The following NCKAP5L variants were observed in gnomAD, a reference collection of about 807,000 sequenced individuals.
The protein encoded by NCKAP5L is NCK associated protein 5 like, also known as nck-associated protein 5-like.
NCKAP5L carries 54 observed loss-of-function variants against 103.2 expected under a neutral mutation model. The observed-to-expected ratio is 0.52, with a 90% CI of 0.42 to 0.66. NCKAP5L has a LOEUF of 0.66. NCKAP5L is among the 30% of genes least tolerant of loss of function. NCKAP5L has a pLI of 0.00. For synonymous variants in NCKAP5L, 762 were observed against 748.6 expected (o/e 1.02, Z -0.29); for missense variants, 1,733 against 1,750.6 (o/e 0.99, Z 0.18).
At chr12:49,821,848 CCTGGCATCTGAATGAAGTTTGGTATA>C (rs966483130) in intron 1 of NCKAP5L, among the ~76,000 whole-genome samples, 5 of 152,206 alleles carry the variant, frequency 3.3e-5, no homozygotes, top group African/African-American at 1.2e-4. Flanking sequence ...TGACCTGAAT[CCTGGCATCTGAATGAAGTTTGGTATA>C]CAAAGGTGAA....
At chr12:49,820,297 A>G (rs1946346486) in intron 1 of NCKAP5L, among the ~76,000 whole-genome samples, 2 of 148,770 alleles carry the variant, frequency 1.3e-5, no homozygotes, top group South Asian at 2.1e-4. Context: ...CCATCCCCCA[A>G]ACTTTATCTC....
At chr12:49,801,391 G>A (rs757686257) in intron 6 of NCKAP5L, among the ~76,000 whole-genome samples, 2 of 152,096 alleles carry the variant, frequency 1.3e-5, no homozygotes, top group Non-Finnish European at 2.9e-5. Context: ...CTTCTCCTGG[G>A]GAAGGGAGGT....
intron 1 of NCKAP5L, among the ~76,000 whole-genome samples, chr12:49,827,963 G>A (rs1293162610): frequency 6.6e-6 from 1 of 152,226 alleles, no homozygotes; most frequent in East Asian, 1.9e-4. Flanking sequence ...TGGGTGGGGT[G>A]AGCAGCTGGG....
Position 49,814,156 on chromosome 12 carries a change from ATATT to A in NCKAP5L, c.-98-8119_-98-8116del, listed in dbSNP as rs1408203966. Among the ~76,000 whole-genome samples the A allele has an allele frequency of 7.9e-4, 72 of 91,016 alleles. 1 individual carries two copies. The highest frequency in any genetic ancestry group is 6.1e-3 in the Admixed American group (53 of 8,720). The allele number at this position is 91,016 out of a possible 152,430, so 59.7% of individuals were successfully genotyped here. A position where few individuals can be genotyped will look rare whatever the true frequency, so the allele number is the denominator to read the frequency against. On this transcript the variant is annotated intron_variant, in intron 1 of 12. Coordinates refer to ENST00000335999, the MANE Select transcript of NCKAP5L (RefSeq NM_001037806.4). ...ATTCTAGATACAAGTCCTTTATTTT[ATATT>A]TATATATATATATATATATATGATT...
In NCKAP5L at chr12:49,801,788, C is replaced by T. The variant is rs532482695; in HGVS notation, c.351+60G>A. 3.3e-5 allele frequency: 53 copies of T among 1,598,698 alleles called. No individual in the cohort carries two copies. In the African/African-American group the frequency reaches 5.9e-4, roughly 18 times the overall value. On this transcript the variant is annotated intron_variant, in intron 6 of 12. Transcript: ENST00000335999. ...GCACGTGAGAAGACAGTGATGGGGC[C>T]GATGGAGCCGAGGAGGCAGGAGGCA...
At position 49,795,605 on chromosome 12, in the gene NCKAP5L, T is replaced by C. The variant is rs759658078; in HGVS notation, c.2255A>G (p.Tyr752Cys). ...GLMGDPGARV[Y>C]SSHSMGARVD... ...CCGGGCCCCCATGGAGTGAGAGGAG[T>C]AGACTCGGGCCCCGGGATCCCCCAT... Residue 752 changes from tyrosine to cysteine, a missense_variant, in exon 8 of 13, where the codon TAC becomes TGC. Coordinates refer to ENST00000335999, the MANE Select transcript of NCKAP5L (RefSeq NM_001037806.4). 4 of 1,590,176 alleles carry C rather than the reference T, an allele frequency of 2.5e-6. No homozygotes were observed. The highest frequency in any genetic ancestry group is 3.5e-5 in the Admixed American group (2 of 57,098).
At chr12:49,802,928 G>T in intron 5 of NCKAP5L, 30 bp downstream of exon 5, 1 of 1,607,550 alleles carries the variant, frequency 6.2e-7, no homozygotes, top group African/African-American at 1.3e-5. Context: ...TGTGCCCAGG[G>T]CTTCTCCCCA....
rs564855457 is a variant in NCKAP5L, at chr12:49,795,774, G to A, written c.2086C>T (p.Arg696Trp). ...CTCTCCCCTGACTTCCCAGGTCCCC[G>A]GGTCTTTTCGGTGCCAGGCCTGGCT... ...VPARPGTEKT[R>W]GPGKSGESAG... The change falls in exon 8 of 13, where the codon CGG becomes TGG. Residue 696 changes from arginine (R) to tryptophan (W), a missense_variant. Arg to Trp is a moderately radical substitution (Grantham distance 101, BLOSUM62 -3). Transcript: ENST00000335999. 9.3e-5 allele frequency: 147 copies of A among 1,586,556 alleles called. 5 individuals carry two copies. In the South Asian group the frequency reaches 1.5e-3, roughly 16 times the overall value.
chr12:49,818,434 T>G (rs902179730), intron 1 of NCKAP5L, among the ~76,000 whole-genome samples: 2 of 152,152 alleles, frequency 1.3e-5, no homozygotes, highest in Admixed American at 6.5e-5. Flanking sequence ...CATGGCTCAC[T>G]GCAACCTCAA....
chr12:49,804,201 C>T, intron 2 of NCKAP5L, 121 bp from the exon 3 acceptor site: 1 of 902,982 alleles, frequency 1.1e-6, no homozygotes, highest in East Asian at 2.8e-5. Context: ...CAGGGCCAGG[C>T]TGGGTATCTC....
At chr12:49,818,155 C>G (rs1251337644) in intron 1 of NCKAP5L, among the ~76,000 whole-genome samples, 1 of 150,780 alleles carries the variant, frequency 6.6e-6, no homozygotes, top group South Asian at 2.1e-4. Flanking sequence ...AACAAAAAAA[C>G]CTTAAACCTG....
intron 1 of NCKAP5L, among the ~76,000 whole-genome samples, chr12:49,812,387 CT>C (rs542046179): frequency 5.1e-3 from 722 of 142,582 alleles, no homozygotes; most frequent in African/African-American, 6.6e-3. Context: ...TGGTTTTCAT[CT>C]TTTTTTTTTT....
chr12:49,800,774 A>C (rs1946110052), intron 6 of NCKAP5L, among the ~76,000 whole-genome samples: 1 of 152,232 alleles, frequency 6.6e-6, no homozygotes. Flanking sequence ...GGGGAAGATA[A>C]ATCTATTGGC....
intron 1 of NCKAP5L, among the ~76,000 whole-genome samples, chr12:49,822,544 T>C (rs1370669024): frequency 6.8e-6 from 1 of 147,406 alleles, no homozygotes; most frequent in Non-Finnish European, 1.5e-5. Flanking sequence ...GAGGTGGGAG[T>C]GAGATTTTTT....
Position 49,792,046 on chromosome 12 carries a change from C to T in NCKAP5L, c.3798G>A (p.Leu1266=). 2 of 1,543,548 alleles carry T rather than the reference C, an allele frequency of 1.3e-6. No individual in the cohort carries two copies. The highest frequency in any genetic ancestry group is 2.4e-4 in the Middle Eastern group (1 of 4,218). The change falls in exon 13 of 13, where the codon CTG becomes CTA. Residue 1266 remains leucine (L), a synonymous_variant. Coordinates refer to ENST00000335999, the MANE Select transcript of NCKAP5L (RefSeq NM_001037806.4). This position sits in a 1 kb window ranked among gnomAD's most constrained non-coding sequence, Gnocchi z 4.5. ...CCTGGCTTCGCTTCCGGTCCACGGG[C>T]AGGGCCTGGGAAAGGAGGGGCAGCT... ...LEGLPRTPMA[L]PVDRKRSQEP...
intron 3 of NCKAP5L, 30 bp from the exon 4 acceptor site, chr12:49,803,195 A>T (rs1198833283): frequency 6.2e-7 from 1 of 1,611,086 alleles, no homozygotes; most frequent in East Asian, 2.2e-5. Context: ...AGAGGGCAAA[A>T]AGGTGGCTTT....
intron 1 of NCKAP5L, among the ~76,000 whole-genome samples, chr12:49,808,004 A>G (rs1293172561): frequency 6.6e-6 from 1 of 152,262 alleles, no homozygotes; most frequent in East Asian, 1.9e-4. Flanking sequence ...CAACGAAACA[A>G]TGTAGAGTAT....
intron 6 of NCKAP5L, among the ~76,000 whole-genome samples, chr12:49,801,089 G>A (rs1000813378): frequency 6.6e-6 from 1 of 152,210 alleles, no homozygotes. Flanking sequence ...GTGAGCAGAG[G>A]GGCTGCCTGC....
chr12:49,823,545 C>G (rs764887248), intron 1 of NCKAP5L, among the ~76,000 whole-genome samples: 1 of 152,046 alleles, frequency 6.6e-6, no homozygotes, highest in Non-Finnish European at 1.5e-5. Context: ...AGTGAGGAGA[C>G]ATGCAGACCA....
Sources: allele counts gnomAD v4.1 joint callset (sites outside exome capture counted in the v4.1 genomes callset), GRCh38; gene constraint gnomAD v4.1.1; non-coding constraint Gnocchi (gnomAD v3.1); transcripts MANE v1.5; gene names NCBI Gene and HGNC (gene_info 2026-07-23, HGNC 2026-07-21).